Variants in MACROD2 observed in about 807,000 individuals in gnomAD.
MACROD2 encodes ADP-ribose glycohydrolase MACROD2.
Under a neutral mutation model 70.4 loss-of-function variants are expected in MACROD2, and 36 were observed. The observed-to-expected ratio is 0.51, with a 90% CI of 0.39 to 0.68. MACROD2 has a LOEUF of 0.68. MACROD2 is among the 30% of genes least tolerant of loss of function. The pLI is 0.00. For missense variants in MACROD2, 496 were observed against 538.4 expected (o/e 0.92, Z 0.78); for synonymous variants, 172 against 178.8 (o/e 0.96, Z 0.30).
chr20:15,238,884 G>T (rs532227110), intron 6 of MACROD2, among the ~76,000 whole-genome samples: 1 of 152,272 alleles, frequency 6.6e-6, no homozygotes, highest in African/African-American at 2.4e-5. Context: ...GTCTTCCAGA[G>T]GAAATACTGG....
intron 7 of MACROD2, among the ~76,000 whole-genome samples, chr20:15,463,020 T>G (rs1409904141): frequency 3.3e-5 from 5 of 152,236 alleles, no homozygotes; most frequent in African/African-American, 1.2e-4. Context: ...AATGTATACA[T>G]TTGTAAAGTA....
intron 5 of MACROD2, among the ~76,000 whole-genome samples, chr20:14,793,074 G>T (rs1476454289): frequency 6.6e-6 from 1 of 151,902 alleles, no homozygotes; most frequent in Non-Finnish European, 1.5e-5. Flanking sequence ...GAAACAGCCT[G>T]GTCTAATGGA....
chr20:15,150,374 G>C (rs907082899), intron 5 of MACROD2, among the ~76,000 whole-genome samples: 14 of 152,000 alleles, frequency 9.2e-5, no homozygotes, highest in African/African-American at 3.1e-4. Flanking sequence ...TGTACAGGTT[G>C]GGCACCACAG....
chr20:14,683,724 T>C (rs2070963687), intron 4 of MACROD2, among the ~76,000 whole-genome samples: 2 of 152,144 alleles, frequency 1.3e-5, no homozygotes, highest in African/African-American at 4.8e-5. Context: ...ATAATAATGA[T>C]AATGATAATA....
At chr20:15,532,897 T>C (rs970620173) in intron 8 of MACROD2, among the ~76,000 whole-genome samples, 1 of 152,148 alleles carries the variant, frequency 6.6e-6, no homozygotes, top group Non-Finnish European at 1.5e-5. Context: ...TCTGAGGTCA[T>C]TTCCAGACCT....
intron 4 of MACROD2, among the ~76,000 whole-genome samples, chr20:14,664,719 T>G (rs1003710522): frequency 2.6e-5 from 4 of 152,110 alleles, no homozygotes; most frequent in Admixed American, 2.6e-4. Flanking sequence ...CCTATTATTT[T>G]ATCAGCATCT....
At chr20:14,982,760 T>C (rs890357917) in intron 5 of MACROD2, among the ~76,000 whole-genome samples, 4 of 152,122 alleles carry the variant, frequency 2.6e-5, no homozygotes, top group African/African-American at 9.7e-5. Context: ...AAGTTTGCTT[T>C]AGGGGTGGGG....
intron 8 of MACROD2, among the ~76,000 whole-genome samples, chr20:15,706,503 A>G (rs902161132): frequency 6.6e-6 from 1 of 152,250 alleles, no homozygotes; most frequent in African/African-American, 2.4e-5. Flanking sequence ...GAACAGGCAC[A>G]AAGTCTCTAG....
chr20:15,304,513 A>G (rs545914329), intron 6 of MACROD2, among the ~76,000 whole-genome samples: 1 of 152,240 alleles, frequency 6.6e-6, no homozygotes, highest in South Asian at 2.1e-4. Context: ...AAACAGCCTG[A>G]TCAACCTTTT....
chr20:15,082,771 A>G (rs377537625), intron 5 of MACROD2, among the ~76,000 whole-genome samples: 55 of 152,052 alleles, frequency 3.6e-4, no homozygotes, highest in Non-Finnish European at 6.5e-4. Flanking sequence ...TAATTGTGAC[A>G]TTTCTTTTCT....
intron 3 of MACROD2, chr20:14,325,460 T>G: frequency 7.7e-7 from 1 of 1,304,524 alleles, no homozygotes; most frequent in Non-Finnish European, 1.1e-6. Context: ...TTTTTCAGTC[T>G]CTTTTTCCAG....
At chr20:14,051,069 G>A (rs6105211) in intron 2 of MACROD2, among the ~76,000 whole-genome samples, 26,617 of 152,072 alleles carry the variant, frequency 0.18, 2,556 homozygotes, top group South Asian at 0.23. Flanking sequence ...AAGTGAAGAA[G>A]GAAGTTGTGA....
chr20:15,915,980 T>C (rs2065308610), intron 10 of MACROD2, among the ~76,000 whole-genome samples: 1 of 152,052 alleles, frequency 6.6e-6, no homozygotes, highest in Non-Finnish European at 1.5e-5. Context: ...CTAAGCTGGA[T>C]CATGAAGAGG....
chr20:14,941,279 A>G (rs529517555), intron 5 of MACROD2, among the ~76,000 whole-genome samples: 2 of 151,872 alleles, frequency 1.3e-5, no homozygotes, highest in African/African-American at 4.8e-5. Flanking sequence ...TTTTCTTAGT[A>G]CAGAGCAGAG....
chr20:15,876,661 T>C (rs201219504), intron 9 of MACROD2, among the ~76,000 whole-genome samples: 1 of 152,190 alleles, frequency 6.6e-6, no homozygotes, highest in East Asian at 1.9e-4. Context: ...ATGGTCTTTC[T>C]AGTTCTAGAT....
At chr20:15,828,942 A>G (rs953271819) in intron 8 of MACROD2, among the ~76,000 whole-genome samples, 1 of 152,212 alleles carries the variant, frequency 6.6e-6, no homozygotes, top group African/African-American at 2.4e-5. Flanking sequence ...TAAATACCAT[A>G]ATTTTTTAGA....
At chr20:14,434,486 A>G (rs1390524017) in intron 3 of MACROD2, among the ~76,000 whole-genome samples, 1 of 151,886 alleles carries the variant, frequency 6.6e-6, no homozygotes, top group Non-Finnish European at 1.5e-5. Flanking sequence ...CCTTTTTGGC[A>G]CCTGATGCCC....
chr20:14,994,638 A>G (rs915153584), intron 5 of MACROD2, among the ~76,000 whole-genome samples: 5 of 152,192 alleles, frequency 3.3e-5, no homozygotes, highest in Non-Finnish European at 7.3e-5. Flanking sequence ...AAAGCAGAGT[A>G]GAGAAATACG....
At chr20:14,194,854 A>T (rs551325844) in intron 3 of MACROD2, among the ~76,000 whole-genome samples, 3 of 152,248 alleles carry the variant, frequency 2.0e-5, no homozygotes, top group Non-Finnish European at 4.4e-5. Context: ...CAGTGTAAAC[A>T]TACCAACAAG....
Sources: allele counts gnomAD v4.1 joint callset (sites outside exome capture counted in the v4.1 genomes callset), GRCh38; gene constraint gnomAD v4.1.1; transcripts MANE v1.5; gene names NCBI Gene and HGNC (gene_info 2026-07-23, HGNC 2026-07-21).